The following ARFGEF3 variants were observed in gnomAD, a reference collection of about 807,000 sequenced individuals.
ARFGEF3 encodes the protein brefeldin A-inhibited guanine nucleotide-exchange protein 3.
Under a neutral mutation model 221.7 loss-of-function variants are expected in ARFGEF3, and 96 were observed. The observed-to-expected ratio is 0.43, with a 90% CI of 0.37 to 0.51. The LOEUF (loss-of-function observed/expected upper bound fraction) is 0.51. ARFGEF3 is among the 20% of genes least tolerant of loss of function. The pLI is 0.00. For missense variants in ARFGEF3, 2,410 were observed against 2,789.9 expected (o/e 0.86, Z 3.07); for synonymous variants, 1,145 against 1,126.8 (o/e 1.02, Z -0.32).
intron 4 of ARFGEF3, chr6:138,217,800 G>C (rs911011479): frequency 2.4e-6 from 2 of 822,440 alleles, no homozygotes; most frequent in Non-Finnish European, 3.5e-6. Flanking sequence ...GTTCAAGATT[G>C]AGAAAGATCA....
In ARFGEF3 at chr6:138,255,617, G is replaced by T; in HGVS notation, c.952G>T (p.Val318Leu). ...CACTGCGCCGGCCCTGAGCGGACCTGTGGCTCGGACTATCTATTACATCGC... is the reference window on the plus strand; with the variant it reads ...CACTGCGCCGGCCCTGAGCGGACCTTTGGCTCGGACTATCTATTACATCGC... ...SCTAPALSGPVARTIYYIAAE... is the reference protein window; with the variant it reads ...SCTAPALSGPLARTIYYIAAE... The change falls in exon 10 of 34, where the codon GTG becomes TTG. Residue 318 changes from valine to leucine, a missense_variant. Val to Leu is a conservative substitution (Grantham distance 32). Coordinates refer to ENST00000251691, the MANE Select transcript of ARFGEF3 (RefSeq NM_020340.5). The T allele has an allele frequency of 6.2e-7, 1 of 1,613,962 alleles. No homozygotes were observed. Among genetic ancestry groups the T allele is most frequent in the Non-Finnish European group, 8.5e-7 (1 of 1,179,882 alleles).
chr6:138,186,094 G>T (rs1015045071), intron 2 of ARFGEF3, among the ~76,000 whole-genome samples: 1 of 152,180 alleles, frequency 6.6e-6, no homozygotes, highest in African/African-American at 2.4e-5. Flanking sequence ...ATGCATATTT[G>T]TTGAATATCT....
rs148680458 is a variant in ARFGEF3 at position 138,317,396 on chromosome 6, C to A, written c.4474+17C>A. 3 of 1,613,672 alleles carry A rather than the reference C, an allele frequency of 1.9e-6. No homozygotes were observed. Among genetic ancestry groups the A allele is most frequent in the Non-Finnish European group, 2.5e-6 (3 of 1,179,794 alleles). On this transcript the variant is annotated intron_variant, in intron 27 of 33. Coordinates refer to ENST00000251691, the MANE Select transcript of ARFGEF3 (RefSeq NM_020340.5). ...AAACACCAGGTAAATATTTCTGTGT[C>A]CGTCTTTTGGGGGAGTGGTTATACA...
At chr6:138,299,127 G>A (rs1349039327) in intron 22 of ARFGEF3, among the ~76,000 whole-genome samples, 1 of 146,586 alleles carries the variant, frequency 6.8e-6, no homozygotes, top group Non-Finnish European at 1.5e-5. Context: ...GAACCAGGGA[G>A]GCAGAGGTTG....
intron 12 of ARFGEF3, among the ~76,000 whole-genome samples, chr6:138,275,472 C>T (rs1003278889): frequency 2.6e-5 from 4 of 151,972 alleles, no homozygotes; most frequent in Non-Finnish European, 5.9e-5. Flanking sequence ...TAGGGATGGC[C>T]GGGCATGGTG....
Position 138,336,707 on chromosome 6 carries a change from CATT to C in ARFGEF3, c.*227_*229del, listed in dbSNP as rs1361934490. On this transcript the variant is annotated 3_prime_UTR_variant, in exon 34 of 34. Coordinates refer to ENST00000251691, the MANE Select transcript of ARFGEF3 (RefSeq NM_020340.5). ...ACACAAACGATATTCTGATTTTGCA[CATT>C]ATTATAGAAGAATCTATAATCCTTG... 3.4e-5 allele frequency: 13 copies of C among 383,198 alleles called. No individual in the cohort carries two copies. The highest frequency in any genetic ancestry group is 4.6e-5 in the Non-Finnish European group (10 of 216,422). The allele number at this position is 383,198 out of a possible 1,614,324, so 23.7% of individuals were successfully genotyped here.
At chr6:138,267,529 C>G (rs1285670200) in intron 12 of ARFGEF3, among the ~76,000 whole-genome samples, 1 of 152,194 alleles carries the variant, frequency 6.6e-6, no homozygotes, top group Non-Finnish European at 1.5e-5. Flanking sequence ...AACACATCCC[C>G]AGTAATTCCA....
At chr6:138,232,717 T>C (rs1395716969) in intron 5 of ARFGEF3, among the ~76,000 whole-genome samples, 1 of 152,160 alleles carries the variant, frequency 6.6e-6, no homozygotes, top group Non-Finnish European at 1.5e-5. Flanking sequence ...CCCTCCATTC[T>C]AATATACTGG....
chr6:138,181,917 C>T (rs1382453114), intron 2 of ARFGEF3, among the ~76,000 whole-genome samples: 2 of 152,162 alleles, frequency 1.3e-5, no homozygotes, highest in Non-Finnish European at 2.9e-5. Context: ...AAATGGATCC[C>T]AAATGATGGA....
chr6:138,272,662 AGTAATGTTAT>A (rs1436698984), intron 12 of ARFGEF3, among the ~76,000 whole-genome samples: 1 of 152,238 alleles, frequency 6.6e-6, no homozygotes, highest in African/African-American at 2.4e-5. Flanking sequence ...AAGATAAAGC[AGTAATGTTAT>A]GTAAAAATTA....
chr6:138,180,564 ACT>A (rs1216057593), intron 2 of ARFGEF3, among the ~76,000 whole-genome samples: 1 of 151,674 alleles, frequency 6.6e-6, no homozygotes, highest in Admixed American at 6.6e-5. Context: ...GTTGAGTCAA[ACT>A]CTGTTGAGTT....
At chr6:138,229,965 T>C in intron 5 of ARFGEF3, 113 bp downstream of exon 5, 5 of 865,500 alleles carry the variant, frequency 5.8e-6, no homozygotes, top group Non-Finnish European at 9.4e-6. Context: ...CTCTGATTAC[T>C]ACCGTGGGGA....
chr6:138,258,299 GT>G (rs1190662531), intron 10 of ARFGEF3, among the ~76,000 whole-genome samples: 1 of 152,162 alleles, frequency 6.6e-6, no homozygotes, highest in Non-Finnish European at 1.5e-5. Flanking sequence ...GAATTGAGTG[GT>G]TAATTGCAAC....
At chr6:138,308,690 C>T (rs373061434) in intron 23 of ARFGEF3, 49 bp from the exon 24 acceptor site, 23 of 1,609,232 alleles carry the variant, frequency 1.4e-5, no homozygotes, top group African/African-American at 8.0e-5. Context: ...CTGGCAAACC[C>T]GAGGGCAGAA....
chr6:138,286,728 T>G lies in ARFGEF3; in HGVS notation c.2597T>G (p.Val866Gly). Residue 866 changes from valine (V) to glycine (G), a missense_variant, in exon 16 of 34, where the codon GTG becomes GGG. Physicochemically the swap from Val to Gly is moderately radical, Grantham distance 109. This residue lies in a region of ARFGEF3 where 594 missense variants were observed against 734.3 expected (regional missense o/e 0.81). Coordinates refer to ENST00000251691, the MANE Select transcript of ARFGEF3 (RefSeq NM_020340.5). ...GTGGCATTTGCTCGCTATATTCTGGTGGGCTGCTGGAAGAACTTGATCGAT... is the reference window on the plus strand; with the variant it reads ...GTGGCATTTGCTCGCTATATTCTGGGGGGCTGCTGGAAGAACTTGATCGAT... The part of the protein sequence containing the change: ...AGVAFARYIL[V>G]GCWKNLIDTL... 1.9e-6 allele frequency: 3 copies of G among 1,614,010 alleles called. No homozygotes were observed. The highest frequency in any genetic ancestry group is 2.5e-6 in the Non-Finnish European group (3 of 1,179,890).
chr6:138,324,468 A>G (rs1014485819), intron 31 of ARFGEF3, among the ~76,000 whole-genome samples: 16 of 152,186 alleles, frequency 1.1e-4, no homozygotes, highest in African/African-American at 3.1e-4. Flanking sequence ...CTTAACTGTT[A>G]TTGTTACTGC....
chr6:138,343,735 G>C lies in ARFGEF3; in HGVS notation c.*7249G>C, dbSNP rs1334377997. ...CCAGTGAGCATCCCTGGCTACCTCG[G>C]GATTATGTGCAAGCTGCTTTGTCCT... is the stretch of plus-strand genomic sequence containing the variant. On this transcript the variant is annotated 3_prime_UTR_variant, in exon 34 of 34. Transcript: ENST00000251691. 1 of 152,052 alleles carries C rather than the reference G, an allele frequency of 6.6e-6. No individual in the cohort carries two copies. The highest frequency in any genetic ancestry group is 1.5e-5 in the Non-Finnish European group (1 of 68,008). The allele number at this position is 152,052 out of a possible 1,614,324, so 9.4% of individuals were successfully genotyped here. A position where few individuals can be genotyped will look rare whatever the true frequency, so the allele number is the denominator to read the frequency against.
At chr6:138,258,603 A>G (rs1213018075) in intron 10 of ARFGEF3, among the ~76,000 whole-genome samples, 1 of 152,200 alleles carries the variant, frequency 6.6e-6, no homozygotes, top group Non-Finnish European at 1.5e-5. Context: ...TACGTCCCAT[A>G]ACACTGATTG....
intron 22 of ARFGEF3, among the ~76,000 whole-genome samples, chr6:138,306,665 G>A (rs1171203676): frequency 6.6e-6 from 1 of 152,010 alleles, no homozygotes; most frequent in African/African-American, 2.4e-5. Context: ...ATTGATTTTT[G>A]ATGAAGATAC....
Sources: allele counts gnomAD v4.1 joint callset (sites outside exome capture counted in the v4.1 genomes callset), GRCh38; gene constraint gnomAD v4.1.1; regional missense constraint gnomAD v4.1.1; transcripts MANE v1.5; gene names NCBI Gene and HGNC (gene_info 2026-07-23, HGNC 2026-07-21).